MYO3A: variants seen among roughly 807,000 people sequenced by gnomAD.
The protein encoded by MYO3A is myosin-IIIa.
Under a neutral mutation model 192.7 loss-of-function variants are expected in MYO3A, and 180 were observed. The observed-to-expected ratio is 0.93, with a 90% CI of 0.83 to 1.06. The LOEUF (loss-of-function observed/expected upper bound fraction) is 1.06, where lower values mean the gene tolerates loss of function less well. MYO3A is among the 50% of genes least tolerant of loss of function. The pLI is 0.00. For missense variants in MYO3A, 1,896 were observed against 1,905.0 expected (o/e 1.00, Z 0.09); for synonymous variants, 628 against 645.3 (o/e 0.97, Z 0.41).
intron 14 of MYO3A, among the ~76,000 whole-genome samples, chr10:26,077,116 A>C (rs1835623420): frequency 6.6e-6 from 1 of 151,350 alleles, no homozygotes; most frequent in African/African-American, 2.4e-5. Context: ...TACTGATTCT[A>C]CCCATCCAGG....
intron 20 of MYO3A, among the ~76,000 whole-genome samples, chr10:26,137,821 T>C (rs1206683097): frequency 2.6e-5 from 4 of 152,184 alleles, no homozygotes; most frequent in Admixed American, 6.5e-5. Flanking sequence ...TGCCCTGGTC[T>C]CCTGCAGTAC....
chr10:26,135,692 C>T (rs1397318855), intron 20 of MYO3A, among the ~76,000 whole-genome samples: 4 of 152,034 alleles, frequency 2.6e-5, no homozygotes, highest in East Asian at 1.9e-4. Context: ...AACAGAAACT[C>T]GACCGGGCGC....
In MYO3A at chr10:26,053,563, C is replaced by G. The variant is rs1844133002; in HGVS notation, c.954-13412C>G. Among the ~76,000 whole-genome samples, 7 of 152,286 alleles carry G rather than the reference C, an allele frequency of 4.6e-5. No homozygotes were observed. In the South Asian group the frequency reaches 1.5e-3, roughly 32 times the overall value. Reference sequence around the variant, plus strand: ...TAGAGCAGCTGGGCACGGTGGCTCACCCCTGTAATCCCAGCACTTTGGGAG... The same window carrying G: ...TAGAGCAGCTGGGCACGGTGGCTCAGCCCTGTAATCCCAGCACTTTGGGAG... On this transcript the variant is annotated intron_variant, in intron 10 of 34. Transcript: ENST00000642920.
At chr10:26,159,512 T>C (rs372266658) in intron 26 of MYO3A, among the ~76,000 whole-genome samples, 2 of 151,498 alleles carry the variant, frequency 1.3e-5, no homozygotes, top group East Asian at 3.9e-4. Context: ...CCCGAGTAGC[T>C]GGGACTACAG....
intron 4 of MYO3A, among the ~76,000 whole-genome samples, chr10:25,993,710 G>A (rs1043425554): frequency 4.6e-5 from 7 of 152,150 alleles, no homozygotes; most frequent in East Asian, 1.9e-4. Flanking sequence ...CTGGTATGTT[G>A]TGTCTTCATT....
At chr10:26,193,838 C>G (rs1019297995) in intron 32 of MYO3A, among the ~76,000 whole-genome samples, 1 of 152,162 alleles carries the variant, frequency 6.6e-6, no homozygotes, top group Non-Finnish European at 1.5e-5. Context: ...GATAAGCATG[C>G]CTTAGCTGCC....
At chr10:26,071,236 CAT>C (rs1835188721) in intron 14 of MYO3A, among the ~76,000 whole-genome samples, 1 of 151,836 alleles carries the variant, frequency 6.6e-6, no homozygotes, top group African/African-American at 2.4e-5. Flanking sequence ...TGAGGCTACT[CAT>C]ATATGGTTTA....
At chr10:26,049,270 A>G (rs1843821825) in intron 10 of MYO3A, among the ~76,000 whole-genome samples, 1 of 152,162 alleles carries the variant, frequency 6.6e-6, no homozygotes, top group Non-Finnish European at 1.5e-5. Flanking sequence ...TCATGAGAAA[A>G]CATCCAAAGA....
At chr10:25,989,261 C>CT (rs761028666) in intron 4 of MYO3A, among the ~76,000 whole-genome samples, 6,439 of 135,118 alleles carry the variant, frequency 0.048, 195 homozygotes, top group Middle Eastern at 0.076. Context: ...AGTTTTTTGG[C>CT]TTTTTTTTTT....
At chr10:26,085,444 T>A (rs954511609) in intron 14 of MYO3A, among the ~76,000 whole-genome samples, 1 of 152,230 alleles carries the variant, frequency 6.6e-6, no homozygotes, top group Non-Finnish European at 1.5e-5. Flanking sequence ...AGGCTTGGTA[T>A]GTTGTGTTTT....
chr10:25,947,482 C>CTCCCG (rs1172513741), intron 2 of MYO3A, among the ~76,000 whole-genome samples: 1 of 149,736 alleles, frequency 6.7e-6, no homozygotes, highest in Non-Finnish European at 1.5e-5. Context: ...CAACCTCCGC[C>CTCCCG]TCCCGGGTTC....
At chr10:26,094,480 A>G (rs1195469930) in intron 15 of MYO3A, among the ~76,000 whole-genome samples, 1 of 133,110 alleles carries the variant, frequency 7.5e-6, no homozygotes, top group East Asian at 2.2e-4. Context: ...GCTGGAGTGC[A>G]GTGGCACGAT....
chr10:26,037,602 C>G (rs1374834684), intron 10 of MYO3A, among the ~76,000 whole-genome samples: 3 of 152,008 alleles, frequency 2.0e-5, no homozygotes, highest in Non-Finnish European at 4.4e-5. Flanking sequence ...TTGTCTTTTC[C>G]CCACTGTATG....
chr10:26,073,507 G>A (rs1835341141), intron 14 of MYO3A, among the ~76,000 whole-genome samples: 1 of 151,138 alleles, frequency 6.6e-6, no homozygotes, highest in Non-Finnish European at 1.5e-5. Flanking sequence ...AGACGTGAAT[G>A]GCATGAACCT....
At chr10:26,175,909 G>A (rs766300758) in intron 30 of MYO3A, among the ~76,000 whole-genome samples, 1 of 152,144 alleles carries the variant, frequency 6.6e-6, no homozygotes, top group African/African-American at 2.4e-5. Context: ...CAGGACAGCC[G>A]TGTTCTCAGA....
intron 4 of MYO3A, among the ~76,000 whole-genome samples, chr10:25,975,114 CACGCACAGTAGGTTAT>C (rs1838893058): frequency 6.6e-6 from 1 of 152,108 alleles, no homozygotes; most frequent in Non-Finnish European, 1.5e-5. Context: ...GAGGCATGTG[CACGCACAGTAGGTTAT>C]CTTGTATGTA....
At chr10:26,041,675 T>C (rs1485437860) in intron 10 of MYO3A, among the ~76,000 whole-genome samples, 1 of 148,152 alleles carries the variant, frequency 6.7e-6, no homozygotes, top group Non-Finnish European at 1.5e-5. Context: ...AACTTAACAA[T>C]GTTTGCATAA....
chr10:25,936,311 A>G lies in MYO3A; in HGVS notation c.-18+481A>G, dbSNP rs547112624. Among the ~76,000 whole-genome samples the G allele has an allele frequency of 1.4e-4, 21 of 152,134 alleles. No homozygotes were observed. In the South Asian group the frequency reaches 3.7e-3, roughly 27 times the overall value. On this transcript the variant is annotated intron_variant, in intron 2 of 34. Coordinates refer to ENST00000642920, the MANE Select transcript of MYO3A (RefSeq NM_017433.5). ...AATATTTGAAGGTCCATTATTTGCTACAAGTGGTTTTGATAAATAAATATT... is the reference window on the plus strand; with the variant it reads ...AATATTTGAAGGTCCATTATTTGCTGCAAGTGGTTTTGATAAATAAATATT...
intron 4 of MYO3A, among the ~76,000 whole-genome samples, chr10:25,995,948 T>C (rs1234445947): frequency 3.3e-5 from 5 of 152,104 alleles, no homozygotes; most frequent in Non-Finnish European, 5.9e-5. Flanking sequence ...AACTCGGGGG[T>C]CAGGGACCCA....
Sources: allele counts gnomAD v4.1 joint callset (sites outside exome capture counted in the v4.1 genomes callset), GRCh38; gene constraint gnomAD v4.1.1; transcripts MANE v1.5; gene names NCBI Gene and HGNC (gene_info 2026-07-23, HGNC 2026-07-21).